PKIB: variants seen among roughly 807,000 people sequenced by gnomAD.
PKIB encodes cAMP-dependent protein kinase inhibitor beta.
A neutral mutation model predicts 4.5 loss-of-function variants in PKIB; 2 were observed. The ratio of observed to expected loss-of-function variants is 0.44; its 90% confidence interval spans 0.18 to 1.39. PKIB has a LOEUF of 1.39. PKIB is among the 40% of genes most tolerant of loss of function. The pLI, the probability that PKIB is intolerant of heterozygous loss-of-function variation, is 0.27. For synonymous variants in PKIB, 38 were observed against 36.0 expected (o/e 1.06, Z -0.20); for missense variants, 94 against 92.6 (o/e 1.02, Z -0.06).
At chr6:122,513,215 A>G (rs1311239142) in intron 2 of PKIB, among the ~76,000 whole-genome samples, 2 of 152,220 alleles carry the variant, frequency 1.3e-5, no homozygotes, top group East Asian at 1.9e-4. Context: ...TAAGAGGAGC[A>G]TACTTTCCCA....
chr6:122,515,437 T>G (rs1338103916), intron 2 of PKIB, among the ~76,000 whole-genome samples: 3 of 152,130 alleles, frequency 2.0e-5, no homozygotes, highest in Non-Finnish European at 4.4e-5. Context: ...TTAGTTCAGA[T>G]TCACACAAGT....
chr6:122,720,358 A>ACTC (rs1779690533), intron 4 of PKIB, among the ~76,000 whole-genome samples: 2 of 152,150 alleles, frequency 1.3e-5, no homozygotes, highest in Admixed American at 6.5e-5. Flanking sequence ...TGACATATGA[A>ACTC]CAGGAGGTGA....
At chr6:122,709,994 A>G (rs1268322966) in intron 3 of PKIB, among the ~76,000 whole-genome samples, 1 of 152,162 alleles carries the variant, frequency 6.6e-6, no homozygotes, top group Non-Finnish European at 1.5e-5. Flanking sequence ...ATACTGAATA[A>G]CTGAACTTTC....
intron 2 of PKIB, chr6:122,644,528 T>A (rs1421974910): frequency 6.6e-6 from 1 of 152,246 alleles, no homozygotes. Context: ...TGTTTTCATT[T>A]GTAAATGGTA....
chr6:122,674,692 C>T (rs1777601720), intron 2 of PKIB, among the ~76,000 whole-genome samples: 1 of 152,126 alleles, frequency 6.6e-6, no homozygotes, highest in Non-Finnish European at 1.5e-5. Context: ...TTTCTACAAA[C>T]TTCCAAAGGT....
At chr6:122,598,453 G>A (rs1032792484) in intron 3 of PKIB, among the ~76,000 whole-genome samples, 12 of 152,212 alleles carry the variant, frequency 7.9e-5, no homozygotes, top group African/African-American at 2.4e-4. Context: ...CTCCCACCTC[G>A]GGATTCAATT....
chr6:122,508,131 G>C (rs1316143162), intron 2 of PKIB, among the ~76,000 whole-genome samples: 2 of 152,120 alleles, frequency 1.3e-5, no homozygotes, highest in Non-Finnish European at 2.9e-5. Context: ...ACAGTAGTCT[G>C]GTCCATTGTC....
intron 2 of PKIB, among the ~76,000 whole-genome samples, chr6:122,660,391 T>C (rs1261571510): frequency 6.6e-6 from 1 of 152,218 alleles, no homozygotes; most frequent in Non-Finnish European, 1.5e-5. Flanking sequence ...ACTAGAGGAC[T>C]GAGATGAAAG....
rs143410556 is a variant in PKIB, at chr6:122,472,740, TAAGGGAC to T, written c.-337+702_-337+708del. On this transcript the variant is annotated intron_variant, in intron 1 of 6. Transcript: ENST00000392491. The stretch of plus-strand genomic sequence containing the variant: ...CCCTACTCCTAGTTATTGTAACCAC[TAAGGGAC>T]AATCTTGCTTTATTCTTCTTTGCCT... Among the ~76,000 whole-genome samples the T allele has an allele frequency of 2.1e-3, 320 of 152,346 alleles. 2 individuals carry two copies. The highest frequency in any genetic ancestry group is 5.9e-3 in the African/African-American group (246 of 41,582).
intron 2 of PKIB, among the ~76,000 whole-genome samples, chr6:122,583,365 G>A (rs1286973381): frequency 6.6e-6 from 1 of 152,024 alleles, no homozygotes; most frequent in Non-Finnish European, 1.5e-5. Context: ...AATTTTAATT[G>A]TTCCCAGAAT....
intron 3 of PKIB, among the ~76,000 whole-genome samples, chr6:122,690,933 T>TATATATATATATA (rs397788048): frequency 2.4e-4 from 27 of 112,448 alleles, no homozygotes; most frequent in African/African-American, 7.9e-4. Context: ...TATATATATA[T>TATATATATATATA]TTTTTTTTTT....
chr6:122,571,539 AAC>A (rs1231923313), intron 2 of PKIB, among the ~76,000 whole-genome samples: 1 of 152,238 alleles, frequency 6.6e-6, no homozygotes, highest in African/African-American at 2.4e-5. Flanking sequence ...CTATCAGACT[AAC>A]AGCAGATTTC....
intron 3 of PKIB, among the ~76,000 whole-genome samples, chr6:122,684,892 C>T (rs1028592376): frequency 1.3e-5 from 2 of 152,188 alleles, no homozygotes; most frequent in Admixed American, 6.5e-5. Flanking sequence ...GAAAAATAAA[C>T]TGGATAAGGT....
chr6:122,473,362 AT>A (rs1381970605), intron 1 of PKIB, among the ~76,000 whole-genome samples: 1 of 152,204 alleles, frequency 6.6e-6, no homozygotes, highest in Non-Finnish European at 1.5e-5. Context: ...CTCTTGCTCC[AT>A]TTAAGAGGGT....
Position 122,542,623 on chromosome 6 carries a change from C to A in PKIB, c.-247-43298C>A, listed in dbSNP as rs539922208. Among the ~76,000 whole-genome samples the A allele has an allele frequency of 1.3e-4, 20 of 152,134 alleles. 1 individual carries two copies. Among genetic ancestry groups the A allele is most frequent in the African/African-American group, 4.6e-4 (19 of 41,442 alleles). ...CCGGCCGTGTGAGGTGTCAGTCTGC[C>A]CCTACTGGGGGGTGCCTCCCAGTTA... On this transcript the variant is annotated intron_variant, in intron 2 of 6. Coordinates refer to the PKIB transcript ENST00000392491.
At chr6:122,520,290 G>GA (rs1228466578) in intron 2 of PKIB, among the ~76,000 whole-genome samples, 2 of 152,072 alleles carry the variant, frequency 1.3e-5, no homozygotes, top group Non-Finnish European at 2.9e-5. Context: ...CTGGCACTTA[G>GA]AAGAGTAGGT....
At chr6:122,714,162 G>A (rs1779385559) in intron 3 of PKIB, among the ~76,000 whole-genome samples, 1 of 152,114 alleles carries the variant, frequency 6.6e-6, no homozygotes, top group Non-Finnish European at 1.5e-5. Flanking sequence ...CATTTGGTCA[G>A]GAAAATAGCT....
At chr6:122,681,265 A>C (rs1358028318) in intron 3 of PKIB, among the ~76,000 whole-genome samples, 1 of 152,190 alleles carries the variant, frequency 6.6e-6, no homozygotes, top group African/African-American at 2.4e-5. Context: ...AACAATTATA[A>C]AACTGTTTGG....
chr6:122,571,609 T>C (rs1343404172), intron 2 of PKIB, among the ~76,000 whole-genome samples: 4 of 151,982 alleles, frequency 2.6e-5, no homozygotes, highest in Non-Finnish European at 4.4e-5. Context: ...CCTCCTTAAA[T>C]TGTCAGCCAA....
Sources: gnomAD v4.1 joint callset for allele counts (sites outside exome capture counted in the v4.1 genomes callset) on GRCh38, gnomAD v4.1.1 for gene constraint, MANE v1.5 for transcripts, NCBI Gene and HGNC (gene_info 2026-07-23, HGNC 2026-07-21) for gene names.